The following FAM162A variants were observed in gnomAD, a reference collection of about 807,000 sequenced individuals.
FAM162A encodes protein FAM162A.
Under a neutral mutation model 21.8 loss-of-function variants are expected in FAM162A, and 23 were observed. That is an observed-to-expected ratio of 1.05 (90% CI 0.76 to 1.49). FAM162A has a LOEUF of 1.49. Ranked by LOEUF, FAM162A falls within the 40% of genes most tolerant of loss-of-function variation. The pLI, the probability that FAM162A is intolerant of heterozygous loss-of-function variation, is 0.00. For synonymous variants in FAM162A, 53 were observed against 61.3 expected (o/e 0.86, Z 0.64); for missense variants, 165 against 186.4 (o/e 0.89, Z 0.67).
intron 1 of FAM162A, among the ~76,000 whole-genome samples, chr3:122,389,588 G>A (rs1175985345): frequency 6.6e-6 from 1 of 152,174 alleles, no homozygotes; most frequent in South Asian, 2.1e-4. Context: ...AAATTGGAAA[G>A]AAATCAAGTT....
chr3:122,388,928 A>G (rs908599561), intron 1 of FAM162A, among the ~76,000 whole-genome samples: 1 of 152,100 alleles, frequency 6.6e-6, no homozygotes, highest in African/African-American at 2.4e-5. Context: ...GGGCGCCTGT[A>G]GTCCCAGCTA....
chr3:122,404,873 T>G (rs902127733), intron 3 of FAM162A, among the ~76,000 whole-genome samples: 2 of 152,180 alleles, frequency 1.3e-5, no homozygotes, highest in Non-Finnish European at 2.9e-5. Context: ...TGAGTGCAGG[T>G]TCCTCCAACC....
intron 1 of FAM162A, among the ~76,000 whole-genome samples, chr3:122,394,398 C>G (rs2075618175): frequency 6.6e-6 from 1 of 152,202 alleles, no homozygotes. Flanking sequence ...TAGGCAAACA[C>G]TTAATAAACT....
At chr3:122,401,591 C>A (rs1560001428) in intron 1 of FAM162A, 1 of 1,175,270 alleles carries the variant, frequency 8.5e-7, no homozygotes, top group Non-Finnish European at 1.1e-6. Context: ...ATTATAATTT[C>A]ATCTGTGAAA....
At chr3:122,389,043 C>T (rs1446722549) in intron 1 of FAM162A, among the ~76,000 whole-genome samples, 6 of 142,920 alleles carry the variant, frequency 4.2e-5, no homozygotes, top group East Asian at 4.0e-4. Context: ...AGCAAGACTC[C>T]GTCTCAAAAA....
intron 1 of FAM162A, among the ~76,000 whole-genome samples, chr3:122,385,014 T>C (rs1576244852): frequency 6.6e-6 from 1 of 152,020 alleles, no homozygotes; most frequent in African/African-American, 2.4e-5. Context: ...ATAGTAGGGG[T>C]TGAGAAATCA....
At position 122,403,267 on chromosome 3, in the gene FAM162A, G is replaced by C. The variant is rs370815475; in HGVS notation, c.157+385G>C. On this transcript the variant is annotated intron_variant, in intron 2 of 4. Transcript: ENST00000477892. Reference sequence around the variant, plus strand: ...TACGTAGGCCCATGTTCCTACAGCAGACCTCCCATGTTGTATTAATATTGG... The same window carrying C: ...TACGTAGGCCCATGTTCCTACAGCACACCTCCCATGTTGTATTAATATTGG... Among the ~76,000 whole-genome samples, 3 of 152,128 alleles carry C rather than the reference G, an allele frequency of 2.0e-5. No individual in the cohort carries two copies. In the South Asian group the frequency reaches 6.2e-4, roughly 32 times the overall value.
intron 1 of FAM162A, among the ~76,000 whole-genome samples, chr3:122,386,904 GTCC>G (rs1459998720): frequency 4.1e-4 from 62 of 152,070 alleles, no homozygotes; most frequent in South Asian, 2.3e-3. Context: ...GAGAGAGAGG[GTCC>G]ATATTTTATA....
At chr3:122,404,406 CT>C (rs2075668019) in intron 3 of FAM162A, 43 bp downstream of exon 3, 1 of 1,100,374 alleles carries the variant, frequency 9.1e-7, no homozygotes, top group Non-Finnish European at 1.4e-6. Flanking sequence ...TCATTTCTCA[CT>C]GATCTAAGGG....
intron 1 of FAM162A, chr3:122,401,287 G>GT (rs1367757709): frequency 4.0e-6 from 2 of 504,816 alleles, no homozygotes; most frequent in Non-Finnish European, 5.2e-6. Flanking sequence ...TCACCTGATT[G>GT]TATCTCTTAT....
chr3:122,410,887 G>A lies in FAM162A; in HGVS notation c.*1056G>A. 1 of 152,332 alleles carries A rather than the reference G, an allele frequency of 6.6e-6. No individual in the cohort carries two copies. Among genetic ancestry groups the A allele is most frequent in the Non-Finnish European group, 1.5e-5 (1 of 68,038 alleles). 9.4% of individuals were successfully genotyped at this position (152,332 alleles called of 1,614,324 possible). On this transcript the variant is annotated 3_prime_UTR_variant, in exon 5 of 5. Coordinates refer to ENST00000477892, the MANE Select transcript of FAM162A (RefSeq NM_014367.4). The stretch of plus-strand genomic sequence containing the variant: ...TCTCTCTGGTGTATTCACACTGTAT[G>A]TGCTAGCCGTCTCTGTTACGAGATC...
intron 4 of FAM162A, among the ~76,000 whole-genome samples, chr3:122,409,504 G>A (rs2075693305): frequency 6.6e-6 from 1 of 152,062 alleles, no homozygotes; most frequent in Admixed American, 6.6e-5. Context: ...GGGGCCAGAA[G>A]GGAAGAAAAA....
At chr3:122,407,105 C>T (rs566114954) in intron 3 of FAM162A, among the ~76,000 whole-genome samples, 176 bp from the exon 4 acceptor site, 1 of 151,958 alleles carries the variant, frequency 6.6e-6, no homozygotes, top group African/African-American at 2.4e-5. Context: ...AAAAATGCCT[C>T]ATCCTCCCCA....
chr3:122,384,615 T>C (rs1403956080), intron 1 of FAM162A, among the ~76,000 whole-genome samples: 1 of 151,880 alleles, frequency 6.6e-6, no homozygotes, highest in Non-Finnish European at 1.5e-5. Context: ...GCACCTACTA[T>C]CCCTAGACCT....
At chr3:122,394,450 A>G (rs982592020) in intron 1 of FAM162A, among the ~76,000 whole-genome samples, 1 of 152,226 alleles carries the variant, frequency 6.6e-6, no homozygotes, top group Non-Finnish European at 1.5e-5. Flanking sequence ...GCTGACCACT[A>G]AGATAACCAG....
At chr3:122,392,765 A>G in intron 1 of FAM162A, among the ~76,000 whole-genome samples, 1 of 152,230 alleles carries the variant, frequency 6.6e-6, no homozygotes, top group East Asian at 1.9e-4. Context: ...ATGAAAATCT[A>G]TTGAAGAGTT....
In FAM162A at chr3:122,402,855, C is replaced by T. The variant is rs527285562; in HGVS notation, c.130C>T (p.Pro44Ser). The change falls in exon 2 of 5, where the codon CCA (proline) becomes TCA (serine). Residue 44 changes from proline (P) to serine (S), a missense_variant. Coordinates refer to ENST00000477892, the MANE Select transcript of FAM162A (RefSeq NM_014367.4). ...LKRINGFCTK[P>S]QESPGAPSRT... ...GAGAATAAATGGATTTTGCACAAAA[C>T]CACAGGAAAGTCCCGGAGCTCCATC... 25 of 1,605,940 alleles carry T rather than the reference C, an allele frequency of 1.6e-5. No individual in the cohort carries two copies. In the South Asian group the frequency reaches 2.3e-4, roughly 15 times the overall value.
rs2075700872 is a variant in FAM162A at position 122,410,764 on chromosome 3, C to G, written c.*933C>G. 1 of 152,174 alleles carries G rather than the reference C, an allele frequency of 6.6e-6. No homozygotes were observed. Among genetic ancestry groups the G allele is most frequent in the Non-Finnish European group, 1.5e-5 (1 of 68,058 alleles). 9.4% of individuals were successfully genotyped at this position (152,174 alleles called of 1,614,324 possible). A position where few individuals can be genotyped will look rare whatever the true frequency, so the allele number is the denominator to read the frequency against. On this transcript the variant is annotated 3_prime_UTR_variant, in exon 5 of 5. Coordinates refer to ENST00000477892, the MANE Select transcript of FAM162A (RefSeq NM_014367.4). Reference sequence around the variant, plus strand: ...TCTGAAAATATTAAATGGAAAATTCCTATAACAATGCATAAGTTATAGATT... The same window carrying G: ...TCTGAAAATATTAAATGGAAAATTCGTATAACAATGCATAAGTTATAGATT...
At position 122,407,445 on chromosome 3, in the gene FAM162A, G is replaced by GT; in HGVS notation, c.372+57dup. On this transcript the variant is annotated intron_variant, in intron 4 of 4. Transcript: ENST00000477892. ...GTATGTTCTCCACCAAGAACCTAGAGTAAATCAGGGATTGACCCTTGTATT... is the reference window on the plus strand; with the variant it reads ...GTATGTTCTCCACCAAGAACCTAGAGTTAAATCAGGGATTGACCCTTGTATT... The GT allele has an allele frequency of 2.2e-6, 3 of 1,351,696 alleles. No individual in the cohort carries two copies. In the South Asian group the frequency reaches 3.5e-5, roughly 16 times the overall value. 83.7% of individuals were successfully genotyped at this position (1,351,696 alleles called of 1,614,324 possible).
Sources: gnomAD v4.1 joint callset for allele counts (sites outside exome capture counted in the v4.1 genomes callset) on GRCh38, gnomAD v4.1.1 for gene constraint, MANE v1.5 for transcripts, NCBI Gene and HGNC (gene_info 2026-07-23, HGNC 2026-07-21) for gene names.